The following TNS1 variants were observed in gnomAD, a reference collection of about 807,000 sequenced individuals.
TNS1 encodes tensin-1.
TNS1 carries 62 observed loss-of-function variants against 168.6 expected under a neutral mutation model. The observed-to-expected ratio is 0.37, with a 90% confidence interval of 0.30 to 0.45. The LOEUF (loss-of-function observed/expected upper bound fraction) is 0.45, where lower values mean the gene tolerates loss of function less well. Among genes scored for constraint, TNS1 ranks in the 20% least tolerant of loss-of-function variants. The pLI is 1.00. For synonymous variants in TNS1, 934 were observed against 933.2 expected (o/e 1.00, Z -0.02); for missense variants, 2,240 against 2,339.4 (o/e 0.96, Z 0.88).
rs35864463 is a variant in TNS1, at chr2:217,963,745, G to GA, written c.186+15019dup. Among the ~76,000 whole-genome samples, 914 of 115,296 alleles carry GA rather than the reference G, an allele frequency of 7.9e-3. 6 individuals are homozygous for GA. The highest frequency in any genetic ancestry group is 0.012 in the African/African-American group (404 of 33,246). 75.6% of individuals were successfully genotyped at this position (115,296 alleles called of 152,430 possible). On this transcript the variant is annotated intron_variant, in intron 3 of 32. Coordinates refer to ENST00000682258, the MANE Select transcript of TNS1 (RefSeq NM_001387777.1). ...AGCCATGAAAATATGTACATTTACCGAAAAAAAAAAAAAAAAGGCCAGGCT... is the reference window on the plus strand; with the variant it reads ...AGCCATGAAAATATGTACATTTACCGAAAAAAAAAAAAAAAAAGGCCAGGCT...
chr2:217,945,505 C>G (rs961530155), intron 3 of TNS1, among the ~76,000 whole-genome samples: 1 of 152,154 alleles, frequency 6.6e-6, no homozygotes, highest in Non-Finnish European at 1.5e-5. Context: ...ATAGAAGCAT[C>G]GCTCCACTCA....
intron 4 of TNS1, among the ~76,000 whole-genome samples, chr2:217,919,393 G>A (rs150766103): frequency 1.3e-5 from 2 of 152,228 alleles, no homozygotes; most frequent in Non-Finnish European, 2.9e-5. Flanking sequence ...TGATCCGATT[G>A]TGCCCGCAAG....
At chr2:218,026,343 G>C (rs1052811702) in intron 1 of TNS1, among the ~76,000 whole-genome samples, 1 of 152,116 alleles carries the variant, frequency 6.6e-6, no homozygotes, top group Non-Finnish European at 1.5e-5. Flanking sequence ...CCTGCCTTTT[G>C]GGGGAAGAAA....
chr2:217,936,980 T>A (rs1238929395), intron 3 of TNS1: 1 of 456,826 alleles, frequency 2.2e-6, no homozygotes, highest in African/African-American at 2.0e-5. Flanking sequence ...CTTACCTGCA[T>A]GCCACTGGGC....
intron 6 of TNS1, among the ~76,000 whole-genome samples, chr2:217,900,980 G>C (rs909259354): frequency 1.3e-5 from 2 of 152,140 alleles, no homozygotes; most frequent in Admixed American, 1.3e-4. Flanking sequence ...GTAACATCAA[G>C]TCATTCAATT....
At chr2:217,950,728 CTCT>C (rs774298360) in intron 3 of TNS1, among the ~76,000 whole-genome samples, 5 of 151,230 alleles carry the variant, frequency 3.3e-5, no homozygotes, top group Non-Finnish European at 4.4e-5. Context: ...GTTCCTCTCT[CTCT>C]TCTTCTCTTC....
chr2:217,809,200 GATGGATGGATGGATGC>G (rs1939899464), intron 30 of TNS1, among the ~76,000 whole-genome samples: 2 of 83,212 alleles, frequency 2.4e-5, no homozygotes, highest in African/African-American at 6.0e-5. Flanking sequence ...TGGATGGATG[GATGGATGGATGGATGC>G]ATGGATGGAT....
chr2:217,906,319 C>T lies in TNS1; in HGVS notation c.321+16G>A. 1 of 567,416 alleles carries T rather than the reference C, an allele frequency of 1.8e-6. No individual in the cohort carries two copies. The highest frequency in any genetic ancestry group is 3.6e-5 in the East Asian group (1 of 27,426). 35.1% of individuals were successfully genotyped at this position (567,416 alleles called of 1,614,324 possible). On this transcript the variant is annotated intron_variant, in intron 6 of 32. Coordinates refer to ENST00000682258, the MANE Select transcript of TNS1 (RefSeq NM_001387777.1). Reference sequence around the variant, plus strand: ...CAGGGCCCAGCCCCATCCTTCTTCTCCCCATCCACACTCACGTTGTCCTCG... The same window carrying T: ...CAGGGCCCAGCCCCATCCTTCTTCTTCCCATCCACACTCACGTTGTCCTCG...
chr2:217,893,680 G>A, intron 9 of TNS1, 119 bp from the exon 10 acceptor site: 1 of 1,414,076 alleles, frequency 7.1e-7, no homozygotes, highest in Non-Finnish European at 9.5e-7. Flanking sequence ...GCTGGTTCCT[G>A]CCAGGACTTG....
At chr2:217,960,590 C>T (rs916654065) in intron 3 of TNS1, among the ~76,000 whole-genome samples, 1 of 152,144 alleles carries the variant, frequency 6.6e-6, no homozygotes, top group Admixed American at 6.5e-5. Flanking sequence ...TCGGCCTCCA[C>T]GTACCAGCAG....
At chr2:217,990,677 C>G (rs942225371) in intron 2 of TNS1, among the ~76,000 whole-genome samples, 16 of 152,244 alleles carry the variant, frequency 1.1e-4, no homozygotes, top group Admixed American at 6.5e-5. Flanking sequence ...ATGCCACCCG[C>G]ATGACACCCA....
At chr2:217,935,840 T>C (rs1956576154) in intron 3 of TNS1, among the ~76,000 whole-genome samples, 1 of 152,236 alleles carries the variant, frequency 6.6e-6, no homozygotes, top group African/African-American at 2.4e-5. Flanking sequence ...AGGGAAGCAC[T>C]GGCAGGTCAG....
chr2:217,850,615 ACACACACACG>A, intron 18 of TNS1: 1 of 958,480 alleles, frequency 1.0e-6, no homozygotes, highest in Non-Finnish European at 1.2e-6. Flanking sequence ...ACACACACAC[ACACACACACG>A]CACGCACGCA....
Position 217,818,278 on chromosome 2 carries a change from G to A in TNS1, c.4054C>T (p.Arg1352Trp), listed in dbSNP as rs374664735. 3.5e-5 allele frequency: 57 copies of A among 1,613,454 alleles called. No individual in the cohort carries two copies. The African/African-American group carries it at 5.6e-4, about 16-fold the overall frequency. ...ACCTGGTAGACCCCTGCTGGGTGCC[G>A]ACACAGGCTGGGGCTCCCCGGGGTG... is the stretch of plus-strand genomic sequence containing the variant. Reference protein sequence around the residue: ...ATTPGSPSLCRHPAGVYQVSG... With the variant: ...ATTPGSPSLCWHPAGVYQVSG... Residue 1352 changes from arginine (R) to tryptophan (W), a missense_variant, in exon 24 of 33, where the codon CGG (arginine) becomes TGG (tryptophan). By Grantham distance (101) the Arg-to-Trp change is moderately radical (BLOSUM62 -3). Coordinates refer to ENST00000682258, the MANE Select transcript of TNS1 (RefSeq NM_001387777.1).
chr2:217,923,985 G>A (rs962031217), intron 3 of TNS1, among the ~76,000 whole-genome samples: 1 of 152,182 alleles, frequency 6.6e-6, no homozygotes, highest in African/African-American at 2.4e-5. Flanking sequence ...ACTCCCCCAG[G>A]ACATGAGGGA....
intron 32 of TNS1, 36 bp downstream of exon 32, chr2:217,808,039 C>T (rs1939524237): frequency 1.2e-6 from 2 of 1,612,416 alleles, no homozygotes; most frequent in East Asian, 2.2e-5. Context: ...AGTACAAAGG[C>T]CAGCCTGCTG....
chr2:217,947,804 G>A (rs1172256416), intron 3 of TNS1, among the ~76,000 whole-genome samples: 1 of 152,194 alleles, frequency 6.6e-6, no homozygotes, highest in East Asian at 1.9e-4. Flanking sequence ...GCCGGGACAG[G>A]AAGGGGAGTT....
chr2:217,862,387 T>C (rs1273131838), intron 18 of TNS1, among the ~76,000 whole-genome samples: 1 of 152,154 alleles, frequency 6.6e-6, no homozygotes, highest in African/African-American at 2.4e-5. Flanking sequence ...GGTATTACTC[T>C]GTCTTCAGAG....
At chr2:217,911,726 G>A (rs917507769) in intron 4 of TNS1, among the ~76,000 whole-genome samples, 1 of 152,148 alleles carries the variant, frequency 6.6e-6, no homozygotes. Context: ...GTCGGTAGGA[G>A]AGCTGCTGTT....
Sources: gnomAD v4.1 joint callset for allele counts (sites outside exome capture counted in the v4.1 genomes callset) on GRCh38, gnomAD v4.1.1 for gene constraint, MANE v1.5 for transcripts, NCBI Gene and HGNC (gene_info 2026-07-23, HGNC 2026-07-21) for gene names.